Variants in SUPT3H observed in about 807,000 individuals in gnomAD.
SUPT3H encodes the protein transcription initiation protein SPT3 homolog.
SUPT3H carries 44 observed loss-of-function variants against 44.3 expected under a neutral mutation model. That is an observed-to-expected ratio of 0.99 (90% CI 0.78 to 1.28). The LOEUF (loss-of-function observed/expected upper bound fraction) is 1.28, where lower values mean the gene tolerates loss of function less well. Among genes scored for constraint, SUPT3H ranks in the 50% most tolerant of loss-of-function variants. The probability of loss-of-function intolerance (pLI) is 0.00; values close to 1 mark genes in which losing one functional copy is unlikely to be tolerated. For missense variants in SUPT3H, 380 were observed against 387.1 expected, an observed-to-expected ratio of 0.98 and a Z score of 0.15; for synonymous variants, 124 against 125.6, an observed-to-expected ratio of 0.99 and a Z score of 0.09.
chr6:45,083,367 T>G (rs142047301), intron 3 of SUPT3H, among the ~76,000 whole-genome samples: 2,651 of 151,908 alleles, frequency 0.017, 51 homozygotes, highest in South Asian at 0.084. Context: ...AATTTTTGTA[T>G]TTTTAATAGA....
Position 44,929,375 on chromosome 6 carries a change from G to GAT in SUPT3H, c.912+3276_912+3277dup, listed in dbSNP as rs571140175. On this transcript the variant is annotated intron_variant, in intron 10 of 10. Coordinates refer to ENST00000371459, the MANE Select transcript of SUPT3H (RefSeq NM_003599.4). Reference sequence around the variant, plus strand: ...AACAATATCAAATTATTGGTAAATGGATATATATATACACATTGTTATGGG... The same window carrying GAT: ...AACAATATCAAATTATTGGTAAATGGATATATATATATACACATTGTTATGGG... Among the ~76,000 whole-genome samples, 641 of 151,878 alleles carry GAT rather than the reference G, an allele frequency of 4.2e-3. 7 individuals are homozygous for GAT. The highest frequency in any genetic ancestry group is 0.014 in the African/African-American group (568 of 41,388).
Position 45,056,693 on chromosome 6 carries a change from C to T in SUPT3H, c.187-36061G>A, listed in dbSNP as rs76354422. Among the ~76,000 whole-genome samples the T allele has an allele frequency of 2.5e-3, 380 of 152,116 alleles. 4 individuals carry two copies. Among genetic ancestry groups the T allele is most frequent in the African/African-American group, 8.9e-3 (368 of 41,502 alleles). On this transcript the variant is annotated intron_variant, in intron 3 of 10. Coordinates refer to ENST00000371459, the MANE Select transcript of SUPT3H (RefSeq NM_003599.4). ...AGAATGACACAGTGGACTTTGGGGA[C>T]ATGGAGGGAAGGCTGGGATGGGGTG...
chr6:44,991,647 A>T (rs10948196), intron 6 of SUPT3H, among the ~76,000 whole-genome samples: 51,336 of 151,876 alleles, frequency 0.34, 9,101 homozygotes, highest in Non-Finnish European at 0.38. Flanking sequence ...ATTAATTCTA[A>T]ATGAGGAACA....
chr6:45,246,525 G>A (rs988022534), intron 2 of SUPT3H, among the ~76,000 whole-genome samples: 3 of 152,272 alleles, frequency 2.0e-5, no homozygotes, highest in Non-Finnish European at 4.4e-5. Context: ...TCCAAATTAT[G>A]AAAAGCATTT....
chr6:45,016,606 T>C (rs555106431), intron 4 of SUPT3H, among the ~76,000 whole-genome samples: 2 of 150,858 alleles, frequency 1.3e-5, no homozygotes, highest in Non-Finnish European at 2.9e-5. Flanking sequence ...TGGTTTTTTG[T>C]CCTTGTGATA....
chr6:44,817,182 TG>T (rs1766972491), intron 11 of SUPT3H, among the ~76,000 whole-genome samples: 1 of 149,224 alleles, frequency 6.7e-6, no homozygotes, highest in Non-Finnish European at 1.5e-5. Flanking sequence ...ATCCCAGTAA[TG>T]AAAGATTAGT....
rs148244872 is a variant in SUPT3H, at chr6:45,070,481, C to T, written c.186+35441G>A. On this transcript the variant is annotated intron_variant, in intron 3 of 10. Coordinates refer to ENST00000371459, the MANE Select transcript of SUPT3H (RefSeq NM_003599.4). ...TGCTTTGGCCGGGCATGGTGGCTCA[C>T]GCCTGTAATCCCAGCACTTTGGCAG... Among the ~76,000 whole-genome samples the T allele has an allele frequency of 7.3e-3, 1,106 of 152,138 alleles. 9 individuals carry two copies. The highest frequency in any genetic ancestry group is 0.01 in the Non-Finnish European group (711 of 67,976).
intron 2 of SUPT3H, among the ~76,000 whole-genome samples, chr6:45,158,245 T>TA (rs1235568352): frequency 1.5e-5 from 2 of 129,658 alleles, no homozygotes; most frequent in Non-Finnish European, 3.2e-5. Context: ...GATAGATAGA[T>TA]AATGCCTATA....
intron 6 of SUPT3H, among the ~76,000 whole-genome samples, chr6:44,992,173 C>G (rs1423511334): frequency 2.6e-5 from 4 of 152,104 alleles, no homozygotes; most frequent in African/African-American, 9.7e-5. Context: ...AGCTAGAAGA[C>G]TGATCTCTAA....
intron 10 of SUPT3H, among the ~76,000 whole-genome samples, chr6:44,931,618 T>C (rs1770604973): frequency 6.6e-6 from 1 of 152,122 alleles, no homozygotes; most frequent in African/African-American, 2.4e-5. Flanking sequence ...AAGATAAACT[T>C]CAAATATTAA....
chr6:45,027,294 C>A (rs1786185894), intron 3 of SUPT3H, among the ~76,000 whole-genome samples: 1 of 152,122 alleles, frequency 6.6e-6, no homozygotes, highest in African/African-American at 2.4e-5. Flanking sequence ...CGTGCCCAGA[C>A]TGGATTGTTG....
At chr6:45,292,612 C>T (rs1780486486) in intron 2 of SUPT3H, among the ~76,000 whole-genome samples, 1 of 151,454 alleles carries the variant, frequency 6.6e-6, no homozygotes, top group African/African-American at 2.4e-5. Context: ...TAAAGACTCA[C>T]ACAAACTTAA....
At chr6:45,300,388 A>G (rs1416440769) in intron 2 of SUPT3H, among the ~76,000 whole-genome samples, 1 of 152,238 alleles carries the variant, frequency 6.6e-6, no homozygotes, top group Non-Finnish European at 1.5e-5. Context: ...ATCCACAGCC[A>G]CTAGAATGAC....
chr6:45,364,593 C>A lies in SUPT3H; in HGVS notation c.101+608G>T, dbSNP rs547849156. Among the ~76,000 whole-genome samples the A allele has an allele frequency of 8.5e-5, 13 of 152,244 alleles. 1 individual carries two copies. The South Asian group carries it at 2.7e-3, about 32-fold the overall frequency. On this transcript the variant is annotated intron_variant, in intron 2 of 10. Transcript: ENST00000371459. Reference sequence around the variant, plus strand: ...ATAAATATGCTACCTCTTATCAAATCAAGAGATATAGTTTCACTTAATGCA... The same window carrying A: ...ATAAATATGCTACCTCTTATCAAATAAAGAGATATAGTTTCACTTAATGCA...
intron 3 of SUPT3H, among the ~76,000 whole-genome samples, chr6:45,066,984 A>C: frequency 1.4e-5 from 2 of 142,276 alleles, no homozygotes; most frequent in South Asian, 2.4e-4. Flanking sequence ...TATGGAACCA[A>C]AAAAGAGCCC....
intron 2 of SUPT3H, among the ~76,000 whole-genome samples, chr6:45,177,261 T>A (rs1250198916): frequency 6.6e-6 from 1 of 152,202 alleles, no homozygotes; most frequent in East Asian, 1.9e-4. Flanking sequence ...CTCAAGAACT[T>A]CGTGAAGAAT....
chr6:45,219,498 A>T (rs1765641168), intron 2 of SUPT3H, among the ~76,000 whole-genome samples: 1 of 152,226 alleles, frequency 6.6e-6, no homozygotes, highest in Non-Finnish European at 1.5e-5. Context: ...GGAATACTAC[A>T]AACAACTTTA....
At chr6:45,218,625 T>G (rs1402446210) in intron 2 of SUPT3H, among the ~76,000 whole-genome samples, 1 of 152,180 alleles carries the variant, frequency 6.6e-6, no homozygotes, top group Non-Finnish European at 1.5e-5. Context: ...TCCCATCTAC[T>G]TGGGAAGCTG....
intron 10 of SUPT3H, among the ~76,000 whole-genome samples, chr6:44,877,339 C>T (rs1004696053): frequency 6.6e-6 from 1 of 152,026 alleles, no homozygotes; most frequent in African/African-American, 2.4e-5. Flanking sequence ...CGTGGTGGCG[C>T]ATGCCTGTAG....
Sources: gnomAD v4.1 joint callset for allele counts (sites outside exome capture counted in the v4.1 genomes callset) on GRCh38, gnomAD v4.1.1 for gene constraint, MANE v1.5 for transcripts, NCBI Gene and HGNC (gene_info 2026-07-23, HGNC 2026-07-21) for gene names.